The following XRCC4 variants were observed in gnomAD, a reference collection of about 807,000 sequenced individuals.
XRCC4 encodes DNA repair protein XRCC4.
Under a neutral mutation model 39.1 loss-of-function variants are expected in XRCC4, and 28 were observed. That is an observed-to-expected ratio of 0.72 (90% CI 0.53 to 0.98). The LOEUF (loss-of-function observed/expected upper bound fraction) is 0.98, where lower values mean the gene tolerates loss of function less well. Among genes scored for constraint, XRCC4 ranks in the 50% least tolerant of loss-of-function variants. The pLI is 0.00. For missense variants in XRCC4, 350 were observed against 376.4 expected (o/e 0.93, Z 0.58); for synonymous variants, 123 against 126.4 (o/e 0.97, Z 0.18).
intron 6 of XRCC4, among the ~76,000 whole-genome samples, chr5:83,218,725 G>A (rs185055642): frequency 1.3e-5 from 2 of 152,156 alleles, no homozygotes; most frequent in East Asian, 3.9e-4. Flanking sequence ...CATAACTAAT[G>A]TTAATAGATG....
intron 4 of XRCC4, among the ~76,000 whole-genome samples, chr5:83,200,984 A>G (rs1187452576): frequency 6.6e-6 from 1 of 152,162 alleles, no homozygotes; most frequent in Non-Finnish European, 1.5e-5. Flanking sequence ...TTTTTCTAAC[A>G]TCTTTCGTGT....
intron 1 of XRCC4, among the ~76,000 whole-genome samples, chr5:83,098,501 T>A (rs1469028126): frequency 6.6e-6 from 1 of 152,086 alleles, no homozygotes; most frequent in Non-Finnish European, 1.5e-5. Flanking sequence ...CTCACATGAT[T>A]AGAAGGGTAT....
chr5:83,078,514 A>G (rs992180356), intron 1 of XRCC4, among the ~76,000 whole-genome samples: 3 of 152,210 alleles, frequency 2.0e-5, no homozygotes, highest in African/African-American at 7.2e-5. Context: ...ATTTTGGTTT[A>G]TGAACTGTAT....
At chr5:83,269,973 C>G (rs1173991138) in intron 7 of XRCC4, among the ~76,000 whole-genome samples, 6 of 151,524 alleles carry the variant, frequency 4.0e-5, no homozygotes, top group Admixed American at 2.0e-4. Context: ...ATACAACTCA[C>G]CATAATGTAG....
chr5:83,173,610 A>G (rs1749826070), intron 3 of XRCC4, among the ~76,000 whole-genome samples: 2 of 152,216 alleles, frequency 1.3e-5, no homozygotes. Flanking sequence ...AGAAATATTC[A>G]TACATATCAG....
intron 7 of XRCC4, among the ~76,000 whole-genome samples, chr5:83,323,013 T>C (rs567327719): frequency 6.6e-6 from 1 of 152,242 alleles, no homozygotes; most frequent in South Asian, 2.1e-4. Context: ...ATTGTTATAG[T>C]ACAGCAAGAG....
At chr5:83,133,698 A>T (rs552785975) in intron 3 of XRCC4, among the ~76,000 whole-genome samples, 1 of 152,192 alleles carries the variant, frequency 6.6e-6, no homozygotes, top group Non-Finnish European at 1.5e-5. Flanking sequence ...CAGGCGTGGG[A>T]TATAATCTCC....
intron 3 of XRCC4, among the ~76,000 whole-genome samples, chr5:83,144,265 CTCTGTGTGTGTGTGTGTGTG>C (rs1748325424): frequency 1.5e-5 from 1 of 68,930 alleles, no homozygotes; most frequent in African/African-American, 4.7e-5. Flanking sequence ...AGTAATATTC[CTCTGTGTGTGTGTGTGTGTG>C]TGTGTGTGTG....
chr5:83,309,296 A>AAAAAAGAAAAAAAAATATATATATATAT (rs1561467702), intron 7 of XRCC4, among the ~76,000 whole-genome samples: 1 of 72,218 alleles, frequency 1.4e-5, no homozygotes, highest in Non-Finnish European at 2.1e-5. Context: ...AAAAAAAAAA[A>AAAAAAGAAAAAAAAATATATATATATAT]ATATATATAT....
At chr5:83,125,646 C>T (rs2112458879) in intron 3 of XRCC4, among the ~76,000 whole-genome samples, 1 of 152,248 alleles carries the variant, frequency 6.6e-6, no homozygotes, top group African/African-American at 2.4e-5. Context: ...TCTGTCCCTC[C>T]ACCAACACCA....
chr5:83,252,710 A>G (rs1753372364), intron 6 of XRCC4, among the ~76,000 whole-genome samples: 1 of 152,102 alleles, frequency 6.6e-6, no homozygotes, highest in African/African-American at 2.4e-5. Flanking sequence ...AAACTTAGAG[A>G]TTCTGTAATA....
intron 7 of XRCC4, among the ~76,000 whole-genome samples, chr5:83,309,296 A>AAAAAAAAATATATATAT (rs1561467702): frequency 6.9e-5 from 5 of 72,232 alleles, no homozygotes; most frequent in Non-Finnish European, 1.0e-4. Context: ...AAAAAAAAAA[A>AAAAAAAAATATATATAT]ATATATATAT....
rs938756570 is a variant in XRCC4 at position 83,215,338 on chromosome 5, C to CA, written c.745+10425dup. Among the ~76,000 whole-genome samples, 33 of 150,280 alleles carry CA rather than the reference C, an allele frequency of 2.2e-4. No homozygotes were observed. In the East Asian group the frequency reaches 2.7e-3, roughly 12 times the overall value. Reference sequence around the variant, plus strand: ...TGGGTGACAGAGCGAGACCCTGTCTCAAAAAAAACAAAAAAATTAATATTG... The same window carrying CA: ...TGGGTGACAGAGCGAGACCCTGTCTCAAAAAAAAACAAAAAAATTAATATTG... On this transcript the variant is annotated intron_variant, in intron 6 of 7. Coordinates refer to ENST00000396027, the MANE Select transcript of XRCC4 (RefSeq NM_003401.5).
chr5:83,250,791 C>CAA (rs751220785), intron 6 of XRCC4, among the ~76,000 whole-genome samples: 1 of 151,486 alleles, frequency 6.6e-6, no homozygotes, highest in Non-Finnish European at 1.5e-5. Context: ...ATTATGCTTT[C>CAA]AAAAAAAGCA....
intron 3 of XRCC4, among the ~76,000 whole-genome samples, chr5:83,166,898 T>C (rs1177907310): frequency 6.6e-6 from 1 of 152,020 alleles, no homozygotes; most frequent in Non-Finnish European, 1.5e-5. Context: ...TGTTTTTTTT[T>C]TGAGACGGAG....
At chr5:83,092,580 G>A (rs1359419533) in intron 1 of XRCC4, among the ~76,000 whole-genome samples, 1 of 151,972 alleles carries the variant, frequency 6.6e-6, no homozygotes, top group East Asian at 1.9e-4. Flanking sequence ...TGCAACCACA[G>A]CTACAATAAA....
chr5:83,134,461 CCT>C lies in XRCC4; in HGVS notation c.315+23261_315+23262del, dbSNP rs1241017988. ...AAGGGTTGTAAATGCACCAGTCAGC[CCT>C]CTGTTTCTAGCTAAAGGTTTGTACA... On this transcript the variant is annotated intron_variant, in intron 3 of 7. Coordinates refer to ENST00000396027, the MANE Select transcript of XRCC4 (RefSeq NM_003401.5). Among the ~76,000 whole-genome samples the C allele has an allele frequency of 2.6e-5, 4 of 152,074 alleles. No individual in the cohort carries two copies. The East Asian group carries it at 7.7e-4, about 29-fold the overall frequency.
chr5:83,283,784 T>C (rs1754634502), intron 7 of XRCC4, among the ~76,000 whole-genome samples: 1 of 152,068 alleles, frequency 6.6e-6, no homozygotes, highest in Non-Finnish European at 1.5e-5. Context: ...TATTTTAGGG[T>C]CTTAACTCAT....
intron 7 of XRCC4, among the ~76,000 whole-genome samples, chr5:83,264,505 G>A (rs1753885949): frequency 6.6e-6 from 1 of 152,038 alleles, no homozygotes; most frequent in African/African-American, 2.4e-5. Flanking sequence ...TTAATAAAAT[G>A]AACTTTATTT....
Sources: allele counts gnomAD v4.1 joint callset (sites outside exome capture counted in the v4.1 genomes callset), GRCh38; gene constraint gnomAD v4.1.1; transcripts MANE v1.5; gene names NCBI Gene and HGNC (gene_info 2026-07-23, HGNC 2026-07-21).